Variants in EPHA3 observed in about 807,000 individuals in gnomAD.
EPHA3 encodes the protein ephrin type-A receptor 3.
In EPHA3, 42 loss-of-function variants were observed where a neutral mutation model predicts 107.1. The observed-to-expected ratio is 0.39, with a 90% CI of 0.31 to 0.51. EPHA3 has a LOEUF of 0.51. Among genes scored for constraint, EPHA3 ranks in the 20% least tolerant of loss-of-function variants. The probability of loss-of-function intolerance (pLI) is 0.78; values close to 1 mark genes in which losing one functional copy is unlikely to be tolerated. For synonymous variants in EPHA3, 461 were observed against 424.8 expected (o/e 1.09, Z -1.05); for missense variants, 1,183 against 1,211.2 (o/e 0.98, Z 0.35).
intron 15 of EPHA3, among the ~76,000 whole-genome samples, chr3:89,456,848 A>C (rs1393771861): frequency 6.6e-6 from 1 of 152,226 alleles, no homozygotes; most frequent in Non-Finnish European, 1.5e-5. Context: ...AAGGCTACAG[A>C]TGTTTATTCA....
At chr3:89,368,294 T>C (rs1330729736) in intron 5 of EPHA3, among the ~76,000 whole-genome samples, 1 of 150,272 alleles carries the variant, frequency 6.7e-6, no homozygotes, top group Non-Finnish European at 1.5e-5. Context: ...TCTTCATTAA[T>C]TAAAAAAAGA....
intron 3 of EPHA3, among the ~76,000 whole-genome samples, chr3:89,260,671 T>C (rs919599274): frequency 6.6e-6 from 1 of 152,224 alleles, no homozygotes; most frequent in Non-Finnish European, 1.5e-5. Context: ...TGGTTTTCTT[T>C]TCTATGCCAA....
At chr3:89,252,513 T>C (rs1227907209) in intron 3 of EPHA3, among the ~76,000 whole-genome samples, 1 of 152,096 alleles carries the variant, frequency 6.6e-6, no homozygotes, top group Non-Finnish European at 1.5e-5. Context: ...TGAGGATCTC[T>C]TACCCCAGGG....
intron 2 of EPHA3, among the ~76,000 whole-genome samples, chr3:89,160,783 A>G (rs1463784725): frequency 6.6e-6 from 1 of 151,988 alleles, no homozygotes; most frequent in African/African-American, 2.4e-5. Flanking sequence ...CAAAATTTTC[A>G]CTTTTTATAG....
chr3:89,119,294 G>T (rs1469317556), intron 1 of EPHA3, among the ~76,000 whole-genome samples: 1 of 152,032 alleles, frequency 6.6e-6, no homozygotes, highest in Non-Finnish European at 1.5e-5. Flanking sequence ...TTCTGTAGGT[G>T]CTATTCCTAT....
At chr3:89,114,010 C>T (rs1707189318) in intron 1 of EPHA3, among the ~76,000 whole-genome samples, 1 of 152,076 alleles carries the variant, frequency 6.6e-6, no homozygotes. Flanking sequence ...AATCATGTCC[C>T]GCTGTTCCAG....
chr3:89,141,619 G>A (rs750248088), intron 2 of EPHA3, among the ~76,000 whole-genome samples: 14 of 151,516 alleles, frequency 9.2e-5, no homozygotes, highest in Non-Finnish European at 1.9e-4. Flanking sequence ...AAGAACCAAT[G>A]TCCTACATTA....
Position 89,327,439 on chromosome 3 carries a change from C to G in EPHA3, c.815-13477C>G, listed in dbSNP as rs111629554. Reference sequence around the variant, plus strand: ...ATAAAAATTTTCTTTTCAGATATATCCCCACACTATGTATCATCAAATAAA... The same window carrying G: ...ATAAAAATTTTCTTTTCAGATATATGCCCACACTATGTATCATCAAATAAA... On this transcript the variant is annotated intron_variant, in intron 3 of 16. Transcript: ENST00000336596. Among the ~76,000 whole-genome samples the G allele has an allele frequency of 4.8e-3, 725 of 152,160 alleles. 5 individuals are homozygous for G. Among genetic ancestry groups the G allele is most frequent in the African/African-American group, 0.016 (680 of 41,542 alleles).
chr3:89,298,277 G>C (rs1352481870), intron 3 of EPHA3, among the ~76,000 whole-genome samples: 1 of 152,104 alleles, frequency 6.6e-6, no homozygotes, highest in Non-Finnish European at 1.5e-5. Flanking sequence ...CTCTCTCTCT[G>C]TGCAGCTTTC....
intron 3 of EPHA3, among the ~76,000 whole-genome samples, chr3:89,337,353 T>C (rs907745935): frequency 6.6e-6 from 1 of 152,228 alleles, no homozygotes; most frequent in Admixed American, 6.5e-5. Context: ...AATTTCTTTG[T>C]TATCTTGGGC....
intron 3 of EPHA3, among the ~76,000 whole-genome samples, chr3:89,242,871 G>A (rs568536148): frequency 3.0e-4 from 46 of 151,472 alleles, no homozygotes; most frequent in Middle Eastern, 3.4e-3. Flanking sequence ...GTCATTTAAC[G>A]TTTGGTATAT....
At chr3:89,158,206 G>T (rs1213564766) in intron 2 of EPHA3, among the ~76,000 whole-genome samples, 1 of 152,126 alleles carries the variant, frequency 6.6e-6, no homozygotes, top group Non-Finnish European at 1.5e-5. Context: ...TAATGTTGAA[G>T]ATAAGATTTA....
rs190132793 is a variant in EPHA3 at position 89,109,401 on chromosome 3, G to A, written c.88+1565G>A. Among the ~76,000 whole-genome samples, 518 of 151,824 alleles carry A rather than the reference G, an allele frequency of 3.4e-3. 2 individuals are homozygous for A. The highest frequency in any genetic ancestry group is 0.021 in the Middle Eastern group (6 of 290). Reference sequence around the variant, plus strand: ...AATGTTTTAAAAATTTTTGTTCTTTGCAGATATTAAAATATTGACAATAAC... The same window carrying A: ...AATGTTTTAAAAATTTTTGTTCTTTACAGATATTAAAATATTGACAATAAC... On this transcript the variant is annotated intron_variant, in intron 1 of 16. Transcript: ENST00000336596.
intron 3 of EPHA3, among the ~76,000 whole-genome samples, chr3:89,259,048 C>A (rs910658890): frequency 6.6e-6 from 1 of 152,082 alleles, no homozygotes; most frequent in African/African-American, 2.4e-5. Context: ...TATATGGTTA[C>A]ATATATATTA....
At chr3:89,190,580 G>A (rs36112854) in intron 2 of EPHA3, among the ~76,000 whole-genome samples, 21,564 of 152,170 alleles carry the variant, frequency 0.14, 1,667 homozygotes, top group African/African-American at 0.21. Context: ...AAATCAACAT[G>A]TTGACACGAT....
chr3:89,124,349 A>G (rs971494218), intron 1 of EPHA3, among the ~76,000 whole-genome samples: 16 of 152,156 alleles, frequency 1.1e-4, no homozygotes, highest in African/African-American at 3.6e-4. Flanking sequence ...TCTTACCTCA[A>G]TTATGCTGTA....
chr3:89,134,964 T>G (rs1386669438), intron 2 of EPHA3, among the ~76,000 whole-genome samples: 3 of 152,192 alleles, frequency 2.0e-5, no homozygotes, highest in Non-Finnish European at 2.9e-5. Flanking sequence ...AAATGATGTA[T>G]AACATATTTC....
At chr3:89,223,445 G>C (rs1230629601) in intron 3 of EPHA3, among the ~76,000 whole-genome samples, 6 of 152,276 alleles carry the variant, frequency 3.9e-5, no homozygotes, top group Admixed American at 3.9e-4. Flanking sequence ...CTGCCATAAA[G>C]AAATTTAAAC....
chr3:89,131,510 T>C (rs1473696611), intron 2 of EPHA3, among the ~76,000 whole-genome samples: 1 of 152,218 alleles, frequency 6.6e-6, no homozygotes, highest in Admixed American at 6.5e-5. Flanking sequence ...TTAGACTACA[T>C]ATCACTACAT....
Sources: allele counts gnomAD v4.1 joint callset (sites outside exome capture counted in the v4.1 genomes callset), GRCh38; gene constraint gnomAD v4.1.1; transcripts MANE v1.5; gene names NCBI Gene and HGNC (gene_info 2026-07-23, HGNC 2026-07-21).